SRPK1: variants seen among roughly 807,000 people sequenced by gnomAD.
The protein encoded by SRPK1 is SFRS protein kinase 1.
Under a neutral mutation model 89.5 loss-of-function variants are expected in SRPK1, and 52 were observed. The ratio of observed to expected loss-of-function variants is 0.58; its 90% CI spans 0.46 to 0.73. The LOEUF is 0.73. SRPK1 is among the 30% of genes least tolerant of loss of function. SRPK1 has a pLI of 0.00. For missense variants in SRPK1, 603 were observed against 780.6 expected (o/e 0.77, Z 2.71); for synonymous variants, 255 against 270.2 (o/e 0.94, Z 0.55).
intron 6 of SRPK1, among the ~76,000 whole-genome samples, chr6:35,880,889 A>G (rs746061015): frequency 5.3e-5 from 8 of 151,606 alleles, no homozygotes; most frequent in Admixed American, 1.3e-4. Flanking sequence ...AGACACCCAC[A>G]TCAAGACACA....
intron 2 of SRPK1, among the ~76,000 whole-genome samples, chr6:35,892,387 C>T (rs1770535377): frequency 6.6e-6 from 1 of 152,112 alleles, no homozygotes; most frequent in African/African-American, 2.4e-5. Flanking sequence ...CTCTGGGCCT[C>T]ATGCCTGTAA....
chr6:35,870,908 TA>T, intron 9 of SRPK1, 25 bp downstream of exon 9: 1 of 1,578,464 alleles, frequency 6.3e-7, no homozygotes. Context: ...AGATCAAAAT[TA>T]AATATAAAAA....
At chr6:35,894,781 G>A (rs931690426) in intron 2 of SRPK1, among the ~76,000 whole-genome samples, 2 of 151,982 alleles carry the variant, frequency 1.3e-5, no homozygotes, top group African/African-American at 4.8e-5. Context: ...ACATTTGAGA[G>A]CAGAATAAAG....
intron 6 of SRPK1, among the ~76,000 whole-genome samples, chr6:35,883,472 C>T (rs1408725731): frequency 6.6e-6 from 1 of 151,554 alleles, no homozygotes; most frequent in Non-Finnish European, 1.5e-5. Context: ...CTTAAAAAGA[C>T]TAAACATAAA....
intron 6 of SRPK1, among the ~76,000 whole-genome samples, chr6:35,880,746 A>AAAAAAAAAAAAAAAAAAAAAAAAAGAAAG (rs1770263877): frequency 3.4e-5 from 3 of 89,202 alleles, no homozygotes; most frequent in African/African-American, 4.5e-5. Flanking sequence ...AAAAAAAAAA[A>AAAAAAAAAAAAAAAAAAAAAAAAAGAAAG]AAAAGAAAAG....
At chr6:35,899,037 T>C (rs1385692103) in intron 2 of SRPK1, among the ~76,000 whole-genome samples, 3 of 152,144 alleles carry the variant, frequency 2.0e-5, no homozygotes, top group Admixed American at 6.5e-5. Flanking sequence ...GGCGCGTGCC[T>C]GTAGTACCAG....
intron 6 of SRPK1, among the ~76,000 whole-genome samples, chr6:35,885,298 C>CACACACAGAGAGAGAGAGAGAGAGAG (rs1276672274): frequency 4.4e-5 from 5 of 113,110 alleles, no homozygotes; most frequent in African/African-American, 1.8e-4. Context: ...CACACACACA[C>CACACACAGAGAGAGAGAGAGAGAGAG]AGAGAGAGAG....
rs926457564 is a variant in SRPK1 at position 35,842,047 on chromosome 6, T to G, written c.1690+488A>C. Among the ~76,000 whole-genome samples, 3 of 152,142 alleles carry G rather than the reference T, an allele frequency of 2.0e-5. No homozygotes were observed. The East Asian group carries it at 5.8e-4, about 29-fold the overall frequency. ...CATTCTACTTTGTTTTAAAATGGAA[T>G]TCCAAAAAAGAAAAAATTAGTTTTA... is the stretch of plus-strand genomic sequence containing the variant. On this transcript the variant is annotated intron_variant, in intron 14 of 15. Transcript: ENST00000373825.
intron 6 of SRPK1, among the ~76,000 whole-genome samples, chr6:35,880,719 C>CAAAAAAAAAAAAAAAAAAAAAAA (rs1364287123): frequency 2.4e-4 from 1 of 4,106 alleles, no homozygotes; most frequent in Non-Finnish European, 3.9e-4. Flanking sequence ...GACTCCATCT[C>CAAAAAAAAAAAAAAAAAAAAAAA]AAAAAAAAAA....
Position 35,888,927 on chromosome 6 carries a change from G to T in SRPK1, c.194-4C>A, listed in dbSNP as rs1489067814. ...ATTTTCACAAGATGATAACCTCCTG[G>T]AAGAAACAGGGGAAATACAATCAGA... is the stretch of plus-strand genomic sequence containing the variant. On this transcript the variant is annotated splice_polypyrimidine_tract_variant and splice_region_variant and intron_variant, in intron 3 of 15. Transcript: ENST00000373825. 1 of 1,578,276 alleles carries T rather than the reference G, an allele frequency of 6.3e-7. No individual in the cohort carries two copies. Among genetic ancestry groups the T allele is most frequent in the Non-Finnish European group, 8.7e-7 (1 of 1,148,160 alleles).
rs191493313 is a variant in SRPK1, at chr6:35,888,074, C to A, written c.340G>T (p.Ala114Ser). The A allele has an allele frequency of 2.5e-6, 4 of 1,607,962 alleles. No homozygotes were observed. The East Asian group carries it at 9.0e-5, about 36-fold the overall frequency. The change falls in exon 5 of 16, where the codon GCT (alanine) becomes TCT (serine). Residue 114 changes from alanine to serine, a missense_variant. Transcript: ENST00000373825. ...KFVAMKVVKS[A>S]EHYTETALDE... is the part of the protein sequence containing the mutation. ...AGTGCTGTTTCAGTGTAATGTTCAG[C>A]ACTTTTAACTACTTTCATTGCCACA...
intron 10 of SRPK1, 24 bp downstream of exon 10, chr6:35,870,257 A>G: frequency 6.3e-7 from 1 of 1,597,888 alleles, no homozygotes; most frequent in Non-Finnish European, 8.6e-7. Context: ...TTGTACAGTA[A>G]TTTTCGTGAT....
At position 35,857,261 on chromosome 6, in the gene SRPK1, C is replaced by T; in HGVS notation, c.1620G>A (p.Met540Ile). 3 of 1,608,550 alleles carry T rather than the reference C, an allele frequency of 1.9e-6. No homozygotes were observed. The highest frequency in any genetic ancestry group is 2.6e-6 in the Non-Finnish European group (3 of 1,176,466). ...GAAAGCCAAGGGGAAAAAACATTAC[C>T]ATGCATGCCGTGCTCCAAATGTCAG... is the stretch of plus-strand genomic sequence containing the variant. Reference protein sequence around the residue: ...TPADIWSTACMAFELATGDYL... With the variant: ...TPADIWSTACIAFELATGDYL... Residue 540 changes from methionine (M) to isoleucine (I), a missense_variant and splice_region_variant, in exon 13 of 16, where the codon ATG becomes ATA. Met to Ile is a conservative substitution (Grantham distance 10). Coordinates refer to ENST00000373825, the MANE Select transcript of SRPK1 (RefSeq NM_003137.5).
At chr6:35,889,976 C>T (rs1360329656) in intron 3 of SRPK1, among the ~76,000 whole-genome samples, 26 of 140,738 alleles carry the variant, frequency 1.8e-4, no homozygotes, top group Non-Finnish European at 3.5e-4. Flanking sequence ...GGTATGGTGG[C>T]GGGCGCCTGT....
At chr6:35,880,057 A>G (rs1194309615) in intron 6 of SRPK1, among the ~76,000 whole-genome samples, 1 of 148,024 alleles carries the variant, frequency 6.8e-6, no homozygotes, top group Non-Finnish European at 1.5e-5. Context: ...AGACCTTGAC[A>G]GAGCAAGACC....
rs574048228 is a variant in SRPK1, at chr6:35,881,787, T to C, written c.478+4937A>G. Reference sequence around the variant, plus strand: ...AAACTGACAGAATTAAAGGGAGAAATAGTTCTACAATAATAGTTGGAGATT... The same window carrying C: ...AAACTGACAGAATTAAAGGGAGAAACAGTTCTACAATAATAGTTGGAGATT... On this transcript the variant is annotated intron_variant, in intron 6 of 15. Transcript: ENST00000373825. Among the ~76,000 whole-genome samples the C allele has an allele frequency of 6.6e-5, 10 of 151,424 alleles. No homozygotes were observed. The East Asian group carries it at 1.2e-3, about 18-fold the overall frequency.
intron 14 of SRPK1, 31 bp from the exon 15 acceptor site, chr6:35,838,460 A>T (rs749239638): frequency 6.9e-7 from 1 of 1,440,854 alleles, no homozygotes; most frequent in Non-Finnish European, 9.3e-7. Flanking sequence ...AAGAGGGGGG[A>T]AAAAAAAGAT....
chr6:35,869,799 T>C lies in SRPK1; in HGVS notation c.1094A>G (p.Tyr365Cys), dbSNP rs45481397. ...NCNGVIEVINYTQNSNNETLR... is the reference protein window; with the variant it reads ...NCNGVIEVINCTQNSNNETLR... ...TGTTTCATTATTACTGTTCTGAGTA[T>C]AATTAATGACTTCAATCACTCCATT... Residue 365 changes from tyrosine (Y) to cysteine (C), a missense_variant, in exon 11 of 16, where the codon TAT becomes TGT. Physicochemically the swap from Tyr to Cys is radical, Grantham distance 194. Transcript: ENST00000373825. 6.8e-6 allele frequency: 11 copies of C among 1,613,702 alleles called. No individual in the cohort carries two copies. The highest frequency in any genetic ancestry group is 1.7e-4 in the Middle Eastern group (1 of 6,060).
At chr6:35,835,808 T>C (rs1043670961) in intron 15 of SRPK1, among the ~76,000 whole-genome samples, 1 of 152,168 alleles carries the variant, frequency 6.6e-6, no homozygotes, top group African/African-American at 2.4e-5. Flanking sequence ...GCCTATGTCT[T>C]CAACATGGTC....
Sources: allele counts gnomAD v4.1 joint callset (sites outside exome capture counted in the v4.1 genomes callset), GRCh38; gene constraint gnomAD v4.1.1; transcripts MANE v1.5; gene names NCBI Gene and HGNC (gene_info 2026-07-23, HGNC 2026-07-21).